Variants in KSR2 observed in about 807,000 individuals in gnomAD.
KSR2 encodes the protein kinase suppressor of ras 2.
In KSR2, 25 loss-of-function variants were observed where a neutral mutation model predicts 107.8. That is an observed-to-expected ratio of 0.23 (90% CI 0.17 to 0.32). The LOEUF (loss-of-function observed/expected upper bound fraction) is 0.32. Ranked by LOEUF, KSR2 falls within the 10% of genes least tolerant of loss-of-function variation. The pLI is 1.00. For missense variants in KSR2, 887 were observed against 1,268.9 expected, an observed-to-expected ratio of 0.70 and a Z score of 4.57; for synonymous variants, 480 against 507.0, an observed-to-expected ratio of 0.95 and a Z score of 0.71.
chr12:117,757,996 C>T (rs1888856819), intron 4 of KSR2, among the ~76,000 whole-genome samples: 1 of 152,176 alleles, frequency 6.6e-6, no homozygotes, highest in Non-Finnish European at 1.5e-5. Context: ...TTCCAATATA[C>T]TCTAGTCTAG....
intron 3 of KSR2, among the ~76,000 whole-genome samples, chr12:117,802,192 T>C (rs1890855098): frequency 6.6e-6 from 1 of 152,026 alleles, no homozygotes; most frequent in Admixed American, 6.6e-5. Flanking sequence ...AGACCATCAG[T>C]ATACCTTGTT....
chr12:117,661,176 G>A (rs1884415646), intron 5 of KSR2, among the ~76,000 whole-genome samples: 1 of 151,962 alleles, frequency 6.6e-6, no homozygotes. Context: ...AGAGGCCAAA[G>A]TCATACACAA....
In KSR2 at chr12:117,944,170, A is replaced by C. The variant is rs539548617; in HGVS notation, c.180+23906T>G. On this transcript the variant is annotated intron_variant, in intron 1 of 19. Coordinates refer to ENST00000339824, the MANE Select transcript of KSR2 (RefSeq NM_173598.6). Reference sequence around the variant, plus strand: ...GGCAGGCGGATCACCTGAGGTCGGGAGTTTGAGACCAGCCTGACCAACATG... The same window carrying C: ...GGCAGGCGGATCACCTGAGGTCGGGCGTTTGAGACCAGCCTGACCAACATG... Among the ~76,000 whole-genome samples the C allele has an allele frequency of 2.0e-5, 3 of 152,148 alleles. No homozygotes were observed. In the South Asian group the frequency reaches 6.2e-4, roughly 32 times the overall value.
At chr12:117,856,582 T>C (rs1018351708) in intron 2 of KSR2, among the ~76,000 whole-genome samples, 9 of 152,090 alleles carry the variant, frequency 5.9e-5, no homozygotes, top group African/African-American at 2.2e-4. Flanking sequence ...GTTCAAGCGA[T>C]TCTCCTGCCT....
At chr12:117,521,660 T>G (rs1874767606) in intron 14 of KSR2, among the ~76,000 whole-genome samples, 1 of 152,216 alleles carries the variant, frequency 6.6e-6, no homozygotes, top group Admixed American at 6.5e-5. Context: ...TCGATGATAA[T>G]TACTAAGTAA....
chr12:117,797,853 G>C lies in KSR2; in HGVS notation c.473-36329C>G, dbSNP rs370586356. 2.4e-3 allele frequency among the ~76,000 whole-genome samples: 366 copies of C among 152,070 alleles called. 1 individual carries two copies. Among genetic ancestry groups the C allele is most frequent in the African/African-American group, 8.3e-3 (343 of 41,486 alleles). On this transcript the variant is annotated intron_variant, in intron 3 of 19. Coordinates refer to ENST00000339824, the MANE Select transcript of KSR2 (RefSeq NM_173598.6). ...TTTCTTATAGACAGGGTCTCACTAT[G>C]TTTCATAGTCTGGAAGTGAACTCTG...
intron 1 of KSR2, among the ~76,000 whole-genome samples, chr12:117,956,858 G>A (rs752348657): frequency 1.1e-4 from 16 of 152,072 alleles, no homozygotes; most frequent in Admixed American, 4.6e-4. Context: ...CCGTATTTCC[G>A]TTGGTCAATG....
At chr12:117,747,453 G>A (rs1888451373) in intron 4 of KSR2, among the ~76,000 whole-genome samples, 1 of 151,978 alleles carries the variant, frequency 6.6e-6, no homozygotes, top group East Asian at 1.9e-4. Flanking sequence ...GACAGGGGGA[G>A]GGAGAGCATT....
intron 5 of KSR2, among the ~76,000 whole-genome samples, chr12:117,623,715 C>T (rs1420754509): frequency 5.1e-3 from 694 of 135,474 alleles, no homozygotes; most frequent in South Asian, 8.3e-3. Flanking sequence ...TTTATAGTAG[C>T]ATGATTTATA....
intron 14 of KSR2, among the ~76,000 whole-genome samples, chr12:117,510,452 T>C (rs1873954476): frequency 6.6e-6 from 1 of 152,136 alleles, no homozygotes; most frequent in African/African-American, 2.4e-5. Flanking sequence ...AGCCAGCAAG[T>C]GACAAGGCTA....
chr12:117,857,215 T>C (rs1893132841), intron 2 of KSR2, among the ~76,000 whole-genome samples: 1 of 152,046 alleles, frequency 6.6e-6, no homozygotes, highest in African/African-American at 2.4e-5. Flanking sequence ...TGCACCAACA[T>C]GCCTGGCTAA....
intron 16 of KSR2, among the ~76,000 whole-genome samples, chr12:117,479,187 C>T (rs762777706): frequency 2.0e-5 from 3 of 152,158 alleles, no homozygotes; most frequent in South Asian, 4.1e-4. Flanking sequence ...TGGATATACT[C>T]GACTTTTTGT....
At chr12:117,964,619 C>G (rs1896741321) in intron 1 of KSR2, among the ~76,000 whole-genome samples, 1 of 152,196 alleles carries the variant, frequency 6.6e-6, no homozygotes, top group Non-Finnish European at 1.5e-5. Context: ...TTATCATCAT[C>G]ACAGCTGTCA....
intron 4 of KSR2, among the ~76,000 whole-genome samples, chr12:117,738,651 G>A (rs939161222): frequency 6.6e-6 from 1 of 152,128 alleles, no homozygotes; most frequent in Non-Finnish European, 1.5e-5. Context: ...GAGGCGGGCG[G>A]ATTACTTGAG....
chr12:117,531,303 C>G (rs1305419522), intron 11 of KSR2, among the ~76,000 whole-genome samples: 1 of 152,190 alleles, frequency 6.6e-6, no homozygotes, highest in Non-Finnish European at 1.5e-5. Context: ...TTTCTTTCTC[C>G]TGGGTTCCCT....
intron 1 of KSR2, among the ~76,000 whole-genome samples, chr12:117,956,249 C>CATAAAA (rs1491387208): frequency 2.1e-5 from 1 of 47,478 alleles, no homozygotes; most frequent in Non-Finnish European, 3.9e-5. Context: ...GACTCTGTCT[C>CATAAAA]AAAAAAAAAA....
chr12:117,487,996 G>C (rs12422409), intron 14 of KSR2, among the ~76,000 whole-genome samples: 29,948 of 152,102 alleles, frequency 0.2, 3,115 homozygotes, highest in East Asian at 0.36. Flanking sequence ...ATCAGGGCCA[G>C]GTGGAGATAA....
chr12:117,560,591 G>T (rs2137358664), intron 7 of KSR2, among the ~76,000 whole-genome samples: 1 of 152,330 alleles, frequency 6.6e-6, no homozygotes, highest in South Asian at 2.1e-4. Context: ...TTTTATCAAT[G>T]ATTTTTCCAT....
At chr12:117,905,757 G>A (rs1381892452) in intron 1 of KSR2, among the ~76,000 whole-genome samples, 2 of 151,970 alleles carry the variant, frequency 1.3e-5, no homozygotes, top group African/African-American at 4.8e-5. Context: ...ACACTGGTCC[G>A]TGATACAAGG....
Sources: allele counts gnomAD v4.1 joint callset (sites outside exome capture counted in the v4.1 genomes callset), GRCh38; gene constraint gnomAD v4.1.1; transcripts MANE v1.5; gene names NCBI Gene and HGNC (gene_info 2026-07-23, HGNC 2026-07-21).